Variants in PDE1A observed in about 807,000 individuals in gnomAD.
PDE1A encodes the protein phosphodiesterase 1A, also known as dual specificity calcium/calmodulin-dependent 3',5'-cyclic nucleotide phosphodiesterase 1A.
PDE1A carries 35 observed loss-of-function variants against 61.7 expected under a neutral mutation model. The observed-to-expected ratio is 0.57, with a 90% CI of 0.43 to 0.75. The LOEUF (loss-of-function observed/expected upper bound fraction) is 0.75. Among genes scored for constraint, PDE1A ranks in the 30% least tolerant of loss-of-function variants. PDE1A has a pLI of 0.00. For synonymous variants in PDE1A, 232 were observed against 213.2 expected, an observed-to-expected ratio of 1.09 and a Z score of -0.77; for missense variants, 597 against 630.6, an observed-to-expected ratio of 0.95 and a Z score of 0.57.
chr2:182,680,071 G>T, the PDE1A span, among the ~76,000 whole-genome samples: 3 of 152,108 alleles, frequency 2.0e-5, no homozygotes, highest in Admixed American at 2.0e-4. Context: ...ACATAAAGCA[G>T]CATTTTGAAT....
At chr2:182,634,110 A>C in the PDE1A span, among the ~76,000 whole-genome samples, 1 of 152,044 alleles carries the variant, frequency 6.6e-6, no homozygotes, top group Non-Finnish European at 1.5e-5. Flanking sequence ...AAAAAAAAAA[A>C]GATAACCCCT....
intron 10 of PDE1A, among the ~76,000 whole-genome samples, chr2:182,191,444 T>G (rs1410507848): frequency 6.6e-6 from 1 of 152,162 alleles, no homozygotes; most frequent in Non-Finnish European, 1.5e-5. Flanking sequence ...AAGCTACCGA[T>G]AGGCTTTTGG....
the PDE1A span, among the ~76,000 whole-genome samples, chr2:182,657,309 T>C: frequency 6.6e-6 from 1 of 152,228 alleles, no homozygotes. Flanking sequence ...TTGAGCCAAG[T>C]AATGTGTCAG....
At chr2:182,532,036 T>G in the PDE1A span, among the ~76,000 whole-genome samples, 2 of 152,186 alleles carry the variant, frequency 1.3e-5, no homozygotes, top group African/African-American at 4.8e-5. Context: ...AACTCATTCT[T>G]TTTTGTGGCT....
the PDE1A span, among the ~76,000 whole-genome samples, chr2:182,673,361 T>C: frequency 6.6e-6 from 1 of 152,156 alleles, no homozygotes; most frequent in African/African-American, 2.4e-5. Flanking sequence ...TGAAAGACAA[T>C]GTTCCATGGA....
chr2:182,607,223 T>G, the PDE1A span, among the ~76,000 whole-genome samples: 6 of 152,236 alleles, frequency 3.9e-5, no homozygotes, highest in East Asian at 1.2e-3. Context: ...GATGGTTGGT[T>G]TTCTGAGAAA....
chr2:182,208,252 T>G (rs1173968687), intron 7 of PDE1A, among the ~76,000 whole-genome samples: 1 of 152,090 alleles, frequency 6.6e-6, no homozygotes, highest in Non-Finnish European at 1.5e-5. Flanking sequence ...TTTAATTGAC[T>G]TACAGTTCTG....
the PDE1A span, among the ~76,000 whole-genome samples, chr2:182,639,884 T>C: frequency 6.7e-6 from 1 of 149,218 alleles, no homozygotes; most frequent in Non-Finnish European, 1.5e-5. Context: ...TTATTATATA[T>C]ATGCATAGAT....
intron 1 of PDE1A, among the ~76,000 whole-genome samples, chr2:182,362,793 T>G (rs183903121): frequency 6.6e-6 from 1 of 151,968 alleles, no homozygotes; most frequent in African/African-American, 2.4e-5. Flanking sequence ...CTATTCACAA[T>G]AGCAAAGACA....
chr2:182,179,335 T>A (rs985399175), intron 13 of PDE1A, among the ~76,000 whole-genome samples: 1 of 152,184 alleles, frequency 6.6e-6, no homozygotes, highest in South Asian at 2.1e-4. Context: ...ATTTGTGTTG[T>A]CATGGATAAA....
chr2:182,494,304 A>C (rs1217327901), intron 2 of PDE1A, among the ~76,000 whole-genome samples: 17 of 134,370 alleles, frequency 1.3e-4, no homozygotes. Context: ...TCTACAAAAA[A>C]AAAAGAAAAG....
the PDE1A span, among the ~76,000 whole-genome samples, chr2:182,579,507 C>G: frequency 6.6e-6 from 1 of 152,186 alleles, no homozygotes; most frequent in Non-Finnish European, 1.5e-5. Context: ...AGAAACACAG[C>G]TAATGAAGAT....
In PDE1A at chr2:182,206,013, C is replaced by T. The variant is rs370366733; in HGVS notation, c.829G>A (p.Val277Met). The T allele has an allele frequency of 1.7e-5, 28 of 1,612,424 alleles. No individual in the cohort carries two copies. The Admixed American group carries it at 2.8e-4, about 16-fold the overall frequency. The change falls in exon 8 of 14, where the codon GTG becomes ATG. Residue 277 changes from valine to methionine, a missense_variant. Coordinates refer to ENST00000351439, the Ensembl canonical transcript of PDE1A. ...TGCATAAGTCGATAAGCTGCACTCA[C>T]GTGGTGATTCTCAAGGACAGAGCGA...
the PDE1A span, among the ~76,000 whole-genome samples, chr2:182,595,333 C>T: frequency 3.1e-3 from 470 of 152,308 alleles, 3 homozygotes; most frequent in African/African-American, 0.011. Flanking sequence ...ATTATCATCA[C>T]TAAATCCTCC....
intron 13 of PDE1A, among the ~76,000 whole-genome samples, chr2:182,158,898 A>T (rs1691235287): frequency 6.6e-6 from 1 of 152,246 alleles, no homozygotes; most frequent in Non-Finnish European, 1.5e-5. Context: ...TACAGAAATT[A>T]AATACATATG....
At chr2:182,280,023 T>A (rs1225147432) in intron 1 of PDE1A, among the ~76,000 whole-genome samples, 1 of 151,978 alleles carries the variant, frequency 6.6e-6, no homozygotes, top group African/African-American at 2.4e-5. Context: ...TTACCAAAAA[T>A]ACTGTTTTAT....
chr2:182,577,671 C>T, the PDE1A span, among the ~76,000 whole-genome samples: 1 of 152,172 alleles, frequency 6.6e-6, no homozygotes, highest in Non-Finnish European at 1.5e-5. Flanking sequence ...CATAAAATTG[C>T]ACTTACAGAA....
chr2:182,447,148 C>T (rs922932292), intron 2 of PDE1A, among the ~76,000 whole-genome samples: 2 of 150,460 alleles, frequency 1.3e-5, no homozygotes, highest in South Asian at 2.1e-4. Context: ...CACAAACACA[C>T]ATACTCTATT....
At chr2:182,589,972 A>G in the PDE1A span, among the ~76,000 whole-genome samples, 20 of 152,296 alleles carry the variant, frequency 1.3e-4, no homozygotes, top group East Asian at 1.7e-3. Context: ...CTCCATTTGA[A>G]ATTTCTACAA....
Sources: allele counts gnomAD v4.1 joint callset (sites outside exome capture counted in the v4.1 genomes callset), GRCh38; gene constraint gnomAD v4.1.1; transcripts MANE v1.5; gene names NCBI Gene and HGNC (gene_info 2026-07-23, HGNC 2026-07-21).